CHD9: variants seen among roughly 807,000 people sequenced by gnomAD.
CHD9 encodes the protein ATP-dependent chromatin remodeler CHD9.
In CHD9, 77 loss-of-function variants were observed where a neutral mutation model predicts 316.1. The ratio of observed to expected loss-of-function variants is 0.24; its 90% confidence interval spans 0.20 to 0.29. The LOEUF (loss-of-function observed/expected upper bound fraction) is 0.29. CHD9 is among the 10% of genes least tolerant of loss of function. The probability of loss-of-function intolerance (pLI) is 1.00; values close to 1 mark genes in which losing one functional copy is unlikely to be tolerated. For missense variants in CHD9, 2,763 were observed against 3,438.1 expected (o/e 0.80, Z 4.91); for synonymous variants, 1,129 against 1,158.3 (o/e 0.97, Z 0.51).
At chr16:53,218,694 A>C (rs1467282881) in intron 3 of CHD9, among the ~76,000 whole-genome samples, 1 of 152,206 alleles carries the variant, frequency 6.6e-6, no homozygotes, top group Non-Finnish European at 1.5e-5. Flanking sequence ...CAGAATGTGC[A>C]TTCACGTAAT....
At chr16:53,081,979 G>C (rs936837990) in intron 1 of CHD9, among the ~76,000 whole-genome samples, 1 of 152,140 alleles carries the variant, frequency 6.6e-6, no homozygotes, top group Non-Finnish European at 1.5e-5. Context: ...CACCAGGTTA[G>C]TGTGTATGTG....
chr16:53,247,194 A>G, intron 15 of CHD9, 99 bp from the exon 16 acceptor site: 2 of 796,590 alleles, frequency 2.5e-6, no homozygotes, highest in East Asian at 5.4e-5. Flanking sequence ...AAATTATGTT[A>G]CAGAAGCACA....
intron 2 of CHD9, among the ~76,000 whole-genome samples, chr16:53,191,695 C>T (rs1340822371): frequency 6.6e-6 from 1 of 152,040 alleles, no homozygotes; most frequent in East Asian, 1.9e-4. Flanking sequence ...GGAGTTTTTA[C>T]TAATTTATGC....
At chr16:53,314,784 AGT>A (rs778454546) in intron 35 of CHD9, 37 bp from the exon 36 acceptor site, 2 of 1,403,934 alleles carry the variant, frequency 1.4e-6, no homozygotes, top group Non-Finnish European at 2.0e-6. Flanking sequence ...AGAATGATAA[AGT>A]ATGAAAATAA....
intron 1 of CHD9, among the ~76,000 whole-genome samples, chr16:53,119,438 A>G (rs1981777): frequency 0.79 from 120,560 of 152,074 alleles, 48,529 homozygotes; most frequent in East Asian, 0.93. Context: ...CAATATATGA[A>G]TTTTGTAAGC....
intron 1 of CHD9, among the ~76,000 whole-genome samples, chr16:53,139,989 C>T (rs1171954858): frequency 6.6e-6 from 1 of 151,416 alleles, no homozygotes; most frequent in Admixed American, 6.6e-5. Flanking sequence ...GTTCCAGCTA[C>T]TCGAGAGGCT....
At chr16:53,082,208 A>C (rs980133840) in intron 1 of CHD9, among the ~76,000 whole-genome samples, 1 of 93,356 alleles carries the variant, frequency 1.1e-5, no homozygotes. Flanking sequence ...CATTTTATTT[A>C]TTTATTTATT....
intron 1 of CHD9, among the ~76,000 whole-genome samples, chr16:53,123,927 G>T (rs886286638): frequency 1.3e-5 from 2 of 152,118 alleles, no homozygotes; most frequent in African/African-American, 4.8e-5. Context: ...TGTACTATCA[G>T]TACTTAATCT....
chr16:53,287,988 C>A lies in CHD9; in HGVS notation c.5221C>A (p.Pro1741Thr). 1 of 1,611,212 alleles carries A rather than the reference C, an allele frequency of 6.2e-7. No homozygotes were observed. Among genetic ancestry groups the A allele is most frequent in the Non-Finnish European group, 8.5e-7 (1 of 1,177,430 alleles). Residue 1741 changes from proline to threonine, a missense_variant, in exon 27 of 39, where the codon CCA becomes ACA. Around this residue, in one of 15 missense-constraint regions of CHD9, gnomAD observed 183 missense variants for 258.5 expected, o/e 0.71. Transcript: ENST00000447540. ...DVEDPEYKPA[P>T]AIFKDDIEDD... The stretch of plus-strand genomic sequence containing the variant: ...GGAAGATCCAGAATACAAACCTGCC[C>A]CAGCCATCTTTAAAGATGATATAGA...
At chr16:53,282,909 CCTT>C (rs2053547374) in intron 24 of CHD9, among the ~76,000 whole-genome samples, 1 of 152,062 alleles carries the variant, frequency 6.6e-6, no homozygotes, top group Admixed American at 6.6e-5. Context: ...TTCACATAGG[CCTT>C]CTCGTCACTT....
At chr16:53,147,175 G>A (rs2040702000) in intron 1 of CHD9, among the ~76,000 whole-genome samples, 1 of 152,142 alleles carries the variant, frequency 6.6e-6, no homozygotes, top group Non-Finnish European at 1.5e-5. Flanking sequence ...AAGGGGGAGT[G>A]TGAAGCATTG....
chr16:53,222,296 G>A (rs958260132), intron 3 of CHD9, among the ~76,000 whole-genome samples: 7 of 151,892 alleles, frequency 4.6e-5, no homozygotes, highest in South Asian at 2.1e-4. Flanking sequence ...GGCTGGTCTC[G>A]AACTCCTAAC....
chr16:53,303,938 G>A lies in CHD9; in HGVS notation c.5932G>A (p.Gly1978Arg), dbSNP rs768854791. 2 of 1,613,994 alleles carry A rather than the reference G, an allele frequency of 1.2e-6. No individual in the cohort carries two copies. Among genetic ancestry groups the A allele is most frequent in the Non-Finnish European group, 8.5e-7 (1 of 1,179,888 alleles). The change falls in exon 31 of 39, where the codon GGG (glycine) becomes AGG (arginine). Residue 1978 changes from glycine (G) to arginine (R), a missense_variant. Transcript: ENST00000447540. The part of the protein sequence containing the change: ...RDLLIGAAKH[G>R]VSRTDYHILR... The stretch of plus-strand genomic sequence containing the variant: ...TTTGCTTATTGGTGCTGCCAAACAC[G>A]GGGTGAGCCGAACAGACTATCACAT...
At chr16:53,164,652 G>T (rs991929399) in intron 2 of CHD9, among the ~76,000 whole-genome samples, 11 of 151,468 alleles carry the variant, frequency 7.3e-5, no homozygotes, top group Non-Finnish European at 1.3e-4. Context: ...TGGAGGGGGG[G>T]GTTTGTTGTT....
rs200069064 is a variant in CHD9, at chr16:53,126,586, CTT to C, written c.-164-29322_-164-29321del. Among the ~76,000 whole-genome samples the C allele has an allele frequency of 2.3e-3, 266 of 117,628 alleles. 2 individuals carry two copies. Among genetic ancestry groups the C allele is most frequent in the South Asian group, 0.018 (59 of 3,350 alleles). 77.2% of individuals were successfully genotyped at this position (117,628 alleles called of 152,430 possible). On this transcript the variant is annotated intron_variant, in intron 1 of 38. Transcript: ENST00000447540. Reference sequence around the variant, plus strand: ...ACCTTAGTTTTGCAGTTTCAGGATCCTTTTTTTTTTTTTTTTTTTGAGATAGG... The same window carrying C: ...ACCTTAGTTTTGCAGTTTCAGGATCCTTTTTTTTTTTTTTTTTGAGATAGG...
intron 36 of CHD9, among the ~76,000 whole-genome samples, chr16:53,317,840 G>A (rs1417393763): frequency 2.6e-5 from 4 of 152,198 alleles, no homozygotes; most frequent in South Asian, 4.1e-4. Flanking sequence ...GATAGCTTGA[G>A]CCCAAGAGTT....
intron 34 of CHD9, chr16:53,311,847 C>G (rs542657985): frequency 2.0e-5 from 3 of 152,172 alleles, no homozygotes; most frequent in Non-Finnish European, 4.4e-5. Context: ...AATAATCCCT[C>G]TTCTGTTTTG....
chr16:53,227,445 C>A lies in CHD9; in HGVS notation c.2093C>A (p.Ser698Tyr). The change falls in exon 6 of 39, where the codon TCT becomes TAT. Residue 698 changes from serine to tyrosine, a missense_variant. By Grantham distance (144) the Ser-to-Tyr change is moderately radical. This residue lies in a region of CHD9 where 859 missense variants were observed against 890.4 expected (regional missense o/e 0.96). Coordinates refer to ENST00000447540, the MANE Select transcript of CHD9 (RefSeq NM_001308319.2). ...DAAIVDKILS[S>Y]RTVKKEISPG... ...GCAATTGTAGACAAAATTCTATCTT[C>A]TAGAACCGTAAAAAAGGAAGTAAGT... 1 of 1,567,252 alleles carries A rather than the reference C, an allele frequency of 6.4e-7. No individual in the cohort carries two copies. Among genetic ancestry groups the A allele is most frequent in the Non-Finnish European group, 8.7e-7 (1 of 1,155,080 alleles).
chr16:53,231,311 A>G, intron 8 of CHD9, 108 bp from the exon 9 acceptor site: 1 of 546,324 alleles, frequency 1.8e-6, no homozygotes, highest in Non-Finnish European at 3.3e-6. Context: ...TGGACATTTA[A>G]CTGAAATCAA....
Sources: allele counts gnomAD v4.1 joint callset (sites outside exome capture counted in the v4.1 genomes callset), GRCh38; gene constraint gnomAD v4.1.1; regional missense constraint gnomAD v4.1.1; transcripts MANE v1.5; gene names NCBI Gene and HGNC (gene_info 2026-07-23, HGNC 2026-07-21).